Variants in TBC1D30 observed in about 807,000 individuals in gnomAD.
TBC1D30 encodes TBC1 domain family, member 30.
Under a neutral mutation model 63.2 loss-of-function variants are expected in TBC1D30, and 31 were observed. The observed-to-expected ratio is 0.49, with a 90% CI of 0.37 to 0.66. The LOEUF is 0.66. Ranked by LOEUF, TBC1D30 falls within the 30% of genes least tolerant of loss-of-function variation. The pLI, the probability that TBC1D30 is intolerant of heterozygous loss-of-function variation, is 0.00. For missense variants in TBC1D30, 810 were observed against 953.6 expected (o/e 0.85, Z 1.98); for synonymous variants, 307 against 361.5 (o/e 0.85, Z 1.71).
chr12:64,830,513 T>C lies in TBC1D30; in HGVS notation c.408+11T>C. The C allele has an allele frequency of 6.6e-7, 1 of 1,520,656 alleles. No individual in the cohort carries two copies. The highest frequency in any genetic ancestry group is 8.8e-7 in the Non-Finnish European group (1 of 1,135,684). 94.2% of individuals were successfully genotyped at this position (1,520,656 alleles called of 1,614,324 possible). ...ATTCAGATAGTCAAGGTAATGCCCC[T>C]GAACTTGGCCTGTCATCCTAATATA... is the stretch of plus-strand genomic sequence containing the variant. On this transcript the variant is annotated intron_variant, in intron 4 of 11. Coordinates refer to ENST00000539867, the MANE Select transcript of TBC1D30 (RefSeq NM_015279.2).
At chr12:64,826,096 C>G (rs1215168422) in intron 1 of TBC1D30, among the ~76,000 whole-genome samples, 1 of 151,994 alleles carries the variant, frequency 6.6e-6, no homozygotes, top group East Asian at 1.9e-4. Flanking sequence ...AATCTCCTTC[C>G]CACGTTAAAA....
chr12:64,840,207 AC>A (rs1875750443), intron 7 of TBC1D30, among the ~76,000 whole-genome samples: 1 of 151,998 alleles, frequency 6.6e-6, no homozygotes. Context: ...CCCAATAGCT[AC>A]CTCTTGCTGC....
chr12:64,874,292 T>C (rs1327440083), intron 11 of TBC1D30, among the ~76,000 whole-genome samples: 2 of 152,198 alleles, frequency 1.3e-5, no homozygotes, highest in African/African-American at 4.8e-5. Flanking sequence ...TTCACCATGT[T>C]GGCCAGGCTG....
intron 10 of TBC1D30, among the ~76,000 whole-genome samples, chr12:64,867,223 TG>T (rs1182479238): frequency 6.6e-6 from 1 of 152,086 alleles, no homozygotes. Flanking sequence ...CCCAGCACTT[TG>T]GGAGGCTGAG....
At chr12:64,834,865 AT>A (rs796610371) in intron 5 of TBC1D30, among the ~76,000 whole-genome samples, 113 of 149,232 alleles carry the variant, frequency 7.6e-4, no homozygotes, top group African/African-American at 2.4e-3. Flanking sequence ...TAATTGAAGA[AT>A]TTTTTTTTTG....
chr12:64,772,431 CTTTA>C (rs1367917933), intron 1 of TBC1D30, among the ~76,000 whole-genome samples: 2 of 151,616 alleles, frequency 1.3e-5, no homozygotes, highest in Non-Finnish European at 2.9e-5. Flanking sequence ...ACATCACTTC[CTTTA>C]TTTATTTTTT....
chr12:64,815,581 G>A (rs1018604420), intron 2 of TBC1D30, among the ~76,000 whole-genome samples: 4 of 152,020 alleles, frequency 2.6e-5, no homozygotes, highest in African/African-American at 4.8e-5. Flanking sequence ...AAATATATCC[G>A]TAGAGAAATC....
At position 64,879,988 on chromosome 12, in the gene TBC1D30, T is replaced by C. The variant is rs1879351756; in HGVS notation, c.*4200T>C. On this transcript the variant is annotated 3_prime_UTR_variant, in exon 12 of 12. Coordinates refer to ENST00000539867, the MANE Select transcript of TBC1D30 (RefSeq NM_015279.2). ...TACTAATGGAAACCTGAAAACAATA[T>C]AAACATCTGGGAATAGGGGAGATGT... 6.6e-6 allele frequency: 1 copy of C among 152,208 alleles called. No homozygotes were observed. The allele number at this position is 152,208 out of a possible 1,614,324, so 9.4% of individuals were successfully genotyped here. A position where few individuals can be genotyped will look rare whatever the true frequency, so the allele number is the denominator to read the frequency against.
chr12:64,850,377 G>A lies in TBC1D30; in HGVS notation c.1038+6892G>A, dbSNP rs1876762474. Among the ~76,000 whole-genome samples the A allele has an allele frequency of 2.6e-5, 4 of 152,286 alleles. No homozygotes were observed. In the South Asian group the frequency reaches 8.3e-4, roughly 32 times the overall value. ...GTTTTCAAAGGGAATGCTGCTTCCA[G>A]CTTTTGCCCATTCAGTATGATATTG... On this transcript the variant is annotated intron_variant, in intron 8 of 11. Transcript: ENST00000539867.
At chr12:64,810,030 C>T (rs758278930) in intron 2 of TBC1D30, among the ~76,000 whole-genome samples, 2 of 152,114 alleles carry the variant, frequency 1.3e-5, no homozygotes, top group African/African-American at 2.4e-5. Flanking sequence ...TCCCATGCTC[C>T]GTTGATGAAG....
chr12:64,810,113 C>T (rs77701967), intron 2 of TBC1D30, among the ~76,000 whole-genome samples: 44 of 152,156 alleles, frequency 2.9e-4, no homozygotes, highest in Non-Finnish European at 4.7e-4. Flanking sequence ...CTCAAGGCCT[C>T]GGAGAAATGA....
chr12:64,864,836 T>G, intron 9 of TBC1D30, 56 bp downstream of exon 9: 1 of 1,215,492 alleles, frequency 8.2e-7, no homozygotes, highest in Non-Finnish European at 1.2e-6. Flanking sequence ...TATCTTAATT[T>G]GTTATTGTAA....
chr12:64,841,652 G>A (rs144278234), intron 7 of TBC1D30, among the ~76,000 whole-genome samples: 1,659 of 152,286 alleles, frequency 0.011, 15 homozygotes, highest in Non-Finnish European at 0.019. Context: ...TGCTGGTCTC[G>A]CTGGTTGTGC....
chr12:64,869,069 T>C (rs1483167546), intron 10 of TBC1D30, among the ~76,000 whole-genome samples: 4 of 152,192 alleles, frequency 2.6e-5, no homozygotes, highest in African/African-American at 4.8e-5. Flanking sequence ...ACGTCCTTTC[T>C]TGTCTTGGGT....
chr12:64,783,188 T>G (rs1362900432), intron 1 of TBC1D30, among the ~76,000 whole-genome samples: 1 of 152,028 alleles, frequency 6.6e-6, no homozygotes, highest in African/African-American at 2.4e-5. Flanking sequence ...TGTAGGTCCT[T>G]TAGGTGAGGC....
intron 10 of TBC1D30, chr12:64,868,083 T>C (rs554637570): frequency 5.0e-4 from 82 of 164,812 alleles, no homozygotes; most frequent in Middle Eastern, 2.1e-3. Context: ...TCACAGGAAG[T>C]TATTGGCTTC....
At chr12:64,780,968 C>A in exon 1 of TBC1D30, 1 of 1,053,830 alleles carries the variant, frequency 9.5e-7, no homozygotes, top group South Asian at 2.4e-5. Flanking sequence ...GCGGCCGCGG[C>A]GCTCCCGGGA....
rs139990510 is a variant in TBC1D30 at position 64,771,748 on chromosome 12, A to C, written c.-376+12099A>C. On this transcript the variant is annotated intron_variant, in intron 1 of 13. Coordinates refer to the TBC1D30 transcript ENST00000674237. ...GGCCTTGAATCATAGTAGTTTAAAA[A>C]AACAACAACATAGTAACAGGAAGAG... Among the ~76,000 whole-genome samples, 14 of 152,336 alleles carry C rather than the reference A, an allele frequency of 9.2e-5. No individual in the cohort carries two copies. The East Asian group carries it at 2.7e-3, about 29-fold the overall frequency.
chr12:64,856,447 C>T (rs1201772486), intron 8 of TBC1D30, among the ~76,000 whole-genome samples: 3 of 152,232 alleles, frequency 2.0e-5, no homozygotes, highest in African/African-American at 7.2e-5. Context: ...GAGGTACCCA[C>T]CTTGGTGGTC....
Sources: gnomAD v4.1 joint callset for allele counts (sites outside exome capture counted in the v4.1 genomes callset) on GRCh38, gnomAD v4.1.1 for gene constraint, MANE v1.5 for transcripts, NCBI Gene and HGNC (gene_info 2026-07-23, HGNC 2026-07-21) for gene names.